NKAIN2: variants seen among roughly 807,000 people sequenced by gnomAD.
NKAIN2 encodes sodium/potassium-transporting ATPase subunit beta-1-interacting protein 2.
Under a neutral mutation model 32.6 loss-of-function variants are expected in NKAIN2, and 14 were observed. The ratio of observed to expected loss-of-function variants is 0.43; its 90% CI spans 0.28 to 0.67. The LOEUF (loss-of-function observed/expected upper bound fraction) is 0.67. Among genes scored for constraint, NKAIN2 ranks in the 30% least tolerant of loss-of-function variants. The probability of loss-of-function intolerance (pLI) is 0.17; values close to 1 mark genes in which losing one functional copy is unlikely to be tolerated. For missense variants in NKAIN2, 198 were observed against 258.3 expected, an observed-to-expected ratio of 0.77 and a Z score of 1.60; for synonymous variants, 80 against 87.2, an observed-to-expected ratio of 0.92 and a Z score of 0.46.
At chr6:124,709,640 G>A (rs1251508500) in intron 4 of NKAIN2, among the ~76,000 whole-genome samples, 1 of 150,180 alleles carries the variant, frequency 6.7e-6, no homozygotes, top group Non-Finnish European at 1.5e-5. Flanking sequence ...GGTATTTGTA[G>A]TATTCTCTGA....
At chr6:124,164,527 G>A (rs1252663951) in intron 1 of NKAIN2, among the ~76,000 whole-genome samples, 1 of 152,078 alleles carries the variant, frequency 6.6e-6, no homozygotes, top group African/African-American at 2.4e-5. Flanking sequence ...GCGTGGAATA[G>A]GATATATAGG....
At chr6:124,815,485 G>A (rs1234033453) in intron 5 of NKAIN2, among the ~76,000 whole-genome samples, 3 of 151,836 alleles carry the variant, frequency 2.0e-5, no homozygotes, top group Non-Finnish European at 4.4e-5. Flanking sequence ...GGCCAGGCTG[G>A]TCTTCAACTG....
chr6:124,813,436 A>G (rs1251614427), intron 5 of NKAIN2, among the ~76,000 whole-genome samples: 1 of 152,168 alleles, frequency 6.6e-6, no homozygotes, highest in Admixed American at 6.6e-5. Flanking sequence ...AAGGAACTCA[A>G]AGCAAGAACT....
At chr6:124,696,163 T>C (rs970021006) in intron 4 of NKAIN2, among the ~76,000 whole-genome samples, 4 of 152,160 alleles carry the variant, frequency 2.6e-5, no homozygotes, top group African/African-American at 9.7e-5. Flanking sequence ...GTGATCTTTC[T>C]AGATTTGATT....
At chr6:124,360,254 C>A (rs1485661823) in intron 3 of NKAIN2, among the ~76,000 whole-genome samples, 1 of 152,092 alleles carries the variant, frequency 6.6e-6, no homozygotes, top group Non-Finnish European at 1.5e-5. Context: ...GTGTCTCTGC[C>A]AGGCTTTGGT....
intron 5 of NKAIN2, among the ~76,000 whole-genome samples, chr6:124,809,709 G>C (rs1311137539): frequency 1.3e-5 from 2 of 151,430 alleles, no homozygotes; most frequent in African/African-American, 4.9e-5. Context: ...CCACAAAATG[G>C]GAGAAAATTT....
chr6:124,282,461 A>AG (rs5879724), intron 1 of NKAIN2, among the ~76,000 whole-genome samples: 28,672 of 152,034 alleles, frequency 0.19, 2,952 homozygotes, highest in East Asian at 0.26. Context: ...GACGAGGGCC[A>AG]GCACCCAGAG....
intron 1 of NKAIN2, among the ~76,000 whole-genome samples, chr6:123,859,107 A>G (rs1775677031): frequency 6.6e-6 from 1 of 152,206 alleles, no homozygotes; most frequent in African/African-American, 2.4e-5. Flanking sequence ...TTTAGTATAC[A>G]ACTAATAATT....
At chr6:124,167,495 T>C (rs1338206717) in intron 1 of NKAIN2, among the ~76,000 whole-genome samples, 3 of 152,212 alleles carry the variant, frequency 2.0e-5, no homozygotes, top group South Asian at 2.1e-4. Context: ...CTTTTCCTAA[T>C]TGAATACCCT....
chr6:124,763,306 G>T (rs1193715943), intron 4 of NKAIN2, among the ~76,000 whole-genome samples: 1 of 152,220 alleles, frequency 6.6e-6, no homozygotes, highest in South Asian at 2.1e-4. Flanking sequence ...AAGAAAAGAG[G>T]TTTAATTGGC....
intron 2 of NKAIN2, among the ~76,000 whole-genome samples, chr6:124,334,477 G>T (rs1490878421): frequency 6.6e-6 from 1 of 152,076 alleles, no homozygotes; most frequent in Non-Finnish European, 1.5e-5. Flanking sequence ...AATTTGGTGG[G>T]TAGGGGGCCA....
intron 2 of NKAIN2, among the ~76,000 whole-genome samples, chr6:124,350,251 C>A (rs547288846): frequency 6.6e-6 from 1 of 152,078 alleles, no homozygotes; most frequent in African/African-American, 2.4e-5. Context: ...GATCTTTATA[C>A]TCTTAAATAA....
At chr6:124,128,915 A>G (rs1484309625) in intron 1 of NKAIN2, among the ~76,000 whole-genome samples, 1 of 152,206 alleles carries the variant, frequency 6.6e-6, no homozygotes, top group Non-Finnish European at 1.5e-5. Flanking sequence ...AACAAGTGCC[A>G]GTGAAACTTT....
intron 3 of NKAIN2, among the ~76,000 whole-genome samples, chr6:124,466,111 G>A (rs886645985): frequency 1.3e-5 from 2 of 152,024 alleles, no homozygotes; most frequent in African/African-American, 4.8e-5. Flanking sequence ...GATAGTAACT[G>A]GCAATTGGAT....
intron 4 of NKAIN2, among the ~76,000 whole-genome samples, chr6:124,787,249 C>A (rs2114798760): frequency 6.6e-6 from 1 of 152,158 alleles, no homozygotes; most frequent in South Asian, 2.1e-4. Flanking sequence ...ATGAAATAAT[C>A]TGTACAACAA....
At chr6:124,382,812 T>A (rs188271214) in intron 3 of NKAIN2, among the ~76,000 whole-genome samples, 2 of 152,304 alleles carry the variant, frequency 1.3e-5, no homozygotes, top group Non-Finnish European at 2.9e-5. Context: ...GTGGTGACAA[T>A]TTAATCACAA....
At chr6:124,081,096 G>C (rs1783948238) in intron 1 of NKAIN2, among the ~76,000 whole-genome samples, 1 of 151,712 alleles carries the variant, frequency 6.6e-6, no homozygotes, top group Non-Finnish European at 1.5e-5. Context: ...TATATTAAAA[G>C]ATTTATATTG....
chr6:123,926,225 C>G (rs1392060634), intron 1 of NKAIN2, among the ~76,000 whole-genome samples: 1 of 152,184 alleles, frequency 6.6e-6, no homozygotes, highest in African/African-American at 2.4e-5. Flanking sequence ...CTGCTTTTTG[C>G]TCTGTTCTTC....
chr6:124,452,572 C>A (rs1295764645), intron 3 of NKAIN2, among the ~76,000 whole-genome samples: 1 of 151,952 alleles, frequency 6.6e-6, no homozygotes, highest in African/African-American at 2.4e-5. Flanking sequence ...TAAAAATAAA[C>A]ATTTGGGGAC....
Sources: allele counts gnomAD v4.1 joint callset (sites outside exome capture counted in the v4.1 genomes callset), GRCh38; gene constraint gnomAD v4.1.1; transcripts MANE v1.5; gene names NCBI Gene and HGNC (gene_info 2026-07-23, HGNC 2026-07-21).